SMG6: variants seen among roughly 807,000 people sequenced by gnomAD.
SMG6 encodes the protein SMG6 nonsense mediated mRNA decay factor.
In SMG6, 66 loss-of-function variants were observed where a neutral mutation model predicts 142.2. The observed-to-expected ratio is 0.46, with a 90% CI of 0.38 to 0.57. The LOEUF (loss-of-function observed/expected upper bound fraction) is 0.57, where lower values mean the gene tolerates loss of function less well. SMG6 is among the 20% of genes least tolerant of loss of function. The pLI is 0.00. For synonymous variants in SMG6, 779 were observed against 702.4 expected (o/e 1.11, Z -1.72); for missense variants, 1,793 against 1,832.0 (o/e 0.98, Z 0.39).
intron 10 of SMG6, among the ~76,000 whole-genome samples, chr17:2,210,608 C>T (rs144203506): frequency 2.2e-4 from 33 of 151,770 alleles, no homozygotes; most frequent in African/African-American, 8.0e-4. Flanking sequence ...AAGAGGAGGG[C>T]AAACGTAGTA....
chr17:2,065,218 A>ACCCC, intron 17 of SMG6, 64 bp from the exon 18 acceptor site: 1 of 1,359,450 alleles, frequency 7.4e-7, no homozygotes, highest in Non-Finnish European at 1.0e-6. Flanking sequence ...GAGGAGGAGG[A>ACCCC]GGGATCCTCT....
intron 1 of SMG6, among the ~76,000 whole-genome samples, chr17:2,302,266 G>T (rs1431443164): frequency 7.0e-6 from 1 of 143,352 alleles, no homozygotes; most frequent in Admixed American, 7.0e-5. Flanking sequence ...AAAATTGGCC[G>T]GGCACGGTGG....
chr17:2,191,182 G>A (rs1428348921), intron 10 of SMG6, among the ~76,000 whole-genome samples: 1 of 152,224 alleles, frequency 6.6e-6, no homozygotes, highest in African/African-American at 2.4e-5. Context: ...CTTGGATCCA[G>A]TGCCTCAAGT....
intron 10 of SMG6, chr17:2,235,945 G>A (rs760016247): frequency 1.3e-5 from 2 of 152,072 alleles, no homozygotes; most frequent in Non-Finnish European, 2.9e-5. Flanking sequence ...TGGTATAATA[G>A]CTAAATTCTG....
intron 8 of SMG6, among the ~76,000 whole-genome samples, chr17:2,281,936 C>A (rs2074796494): frequency 6.6e-6 from 1 of 152,148 alleles, no homozygotes; most frequent in Non-Finnish European, 1.5e-5. Context: ...CCTACTTGTT[C>A]TTTATACTTC....
chr17:2,244,600 T>C (rs1461749182), intron 9 of SMG6, 58 bp downstream of exon 9: 4 of 1,419,332 alleles, frequency 2.8e-6, no homozygotes, highest in African/African-American at 1.4e-5. Flanking sequence ...GCTAACAATA[T>C]TAAATTCCAA....
At chr17:2,087,593 T>G in intron 13 of SMG6, 1 of 1,001,324 alleles carries the variant, frequency 1.0e-6, no homozygotes, top group African/African-American at 1.7e-5. Flanking sequence ...CCCCTTGAGC[T>G]TGGGGTGCCT....
chr17:2,211,764 T>C (rs1025316200), intron 10 of SMG6, among the ~76,000 whole-genome samples: 8 of 151,876 alleles, frequency 5.3e-5, no homozygotes, highest in African/African-American at 1.2e-4. Context: ...AGAAGGAATA[T>C]ACATTCTGTT....
At chr17:2,297,645 G>A (rs1410459197) in intron 3 of SMG6, among the ~76,000 whole-genome samples, 5 of 151,926 alleles carry the variant, frequency 3.3e-5, no homozygotes, top group Admixed American at 6.6e-5. Context: ...TCTCTTTTAG[G>A]CCAAGGCATT....
rs755146682 is a variant in SMG6 at position 2,300,047 on chromosome 17, C to A, written c.706G>T (p.Gly236Trp). Residue 236 changes from glycine (G) to tryptophan (W), a missense_variant, in exon 2 of 19, where the codon GGG (glycine) becomes TGG (tryptophan). Physicochemically the swap from Gly to Trp is radical, Grantham distance 184. Coordinates refer to ENST00000263073, the MANE Select transcript of SMG6 (RefSeq NM_017575.5). ...VRETHDDPAR[G>W]RPGSAKRYSR... ...TAGCGCTTTGCGGAGCCCGGCCTCC[C>A]GCGGGCTGGGTCGTCGTGGGTTTCC... 3 of 1,614,180 alleles carry A rather than the reference C, an allele frequency of 1.9e-6. No individual in the cohort carries two copies. The highest frequency in any genetic ancestry group is 1.3e-5 in the African/African-American group (1 of 75,064).
chr17:2,141,810 G>C (rs1269959030), intron 13 of SMG6, among the ~76,000 whole-genome samples: 1 of 152,140 alleles, frequency 6.6e-6, no homozygotes, highest in African/African-American at 2.4e-5. Context: ...CTGGAGCAGA[G>C]GCCATTGAGA....
chr17:2,147,193 G>C (rs1240403630), intron 13 of SMG6, among the ~76,000 whole-genome samples: 2 of 152,070 alleles, frequency 1.3e-5, no homozygotes, highest in African/African-American at 4.8e-5. Flanking sequence ...AGGAGTTTGA[G>C]ACCAGCCTGG....
At chr17:2,239,161 T>A (rs1306115065) in intron 9 of SMG6, among the ~76,000 whole-genome samples, 2 of 152,246 alleles carry the variant, frequency 1.3e-5, no homozygotes, top group Non-Finnish European at 2.9e-5. Flanking sequence ...GACACGTACG[T>A]AAGTATGTAG....
intron 13 of SMG6, among the ~76,000 whole-genome samples, chr17:2,132,433 C>T (rs1346959753): frequency 1.3e-5 from 2 of 152,270 alleles, no homozygotes; most frequent in African/African-American, 2.4e-5. Context: ...ATTCAAGTGC[C>T]GGTTCTCACT....
rs538480887 is a variant in SMG6, at chr17:2,232,073, A to C, written c.2869+4419T>G. ...TATAAAACATTTTTGAAAAAGAGAG[A>C]ACAAGAGGGGGAGAGAAAATGAAGG... On this transcript the variant is annotated intron_variant, in intron 10 of 18. Coordinates refer to ENST00000263073, the MANE Select transcript of SMG6 (RefSeq NM_017575.5). Among the ~76,000 whole-genome samples the C allele has an allele frequency of 7.2e-5, 11 of 151,920 alleles. No individual in the cohort carries two copies. The South Asian group carries it at 8.3e-4, about 12-fold the overall frequency.
At position 2,170,760 on chromosome 17, in the gene SMG6, A is replaced by C. The variant is rs532843930; in HGVS notation, c.3357+1898T>G. Among the ~76,000 whole-genome samples the C allele has an allele frequency of 8.5e-5, 13 of 152,350 alleles. No homozygotes were observed. The South Asian group carries it at 2.7e-3, about 32-fold the overall frequency. On this transcript the variant is annotated intron_variant, in intron 13 of 18. Coordinates refer to ENST00000263073, the MANE Select transcript of SMG6 (RefSeq NM_017575.5). ...TTGATATATCAATGTCTAGAACCTT[A>C]ATCTACTTACAGCAATTTAACCAAA...
At chr17:2,296,652 C>T (rs1597231768) in intron 4 of SMG6, among the ~76,000 whole-genome samples, 1 of 152,146 alleles carries the variant, frequency 6.6e-6, no homozygotes, top group Non-Finnish European at 1.5e-5. Context: ...CCAACATCTC[C>T]GTCCATGGAA....
chr17:2,088,392 T>C (rs762476133), intron 13 of SMG6: 4 of 985,396 alleles, frequency 4.1e-6, no homozygotes, highest in Non-Finnish European at 4.8e-6. Context: ...GAATTGCCTA[T>C]TCCATGGACA....
intron 12 of SMG6, among the ~76,000 whole-genome samples, chr17:2,183,516 G>T (rs563533813): frequency 1.3e-5 from 2 of 152,232 alleles, no homozygotes; most frequent in African/African-American, 2.4e-5. Flanking sequence ...TACAGCCTGT[G>T]GCAACTACTC....
Sources: gnomAD v4.1 joint callset for allele counts (sites outside exome capture counted in the v4.1 genomes callset) on GRCh38, gnomAD v4.1.1 for gene constraint, MANE v1.5 for transcripts, NCBI Gene and HGNC (gene_info 2026-07-23, HGNC 2026-07-21) for gene names.